Variants in APBA1 observed in about 807,000 individuals in gnomAD.
The protein encoded by APBA1 is amyloid beta precursor protein binding family A member 1.
APBA1 carries 55 observed loss-of-function variants against 86.6 expected under a neutral mutation model. The ratio of observed to expected loss-of-function variants is 0.64; its 90% CI spans 0.51 to 0.80. The LOEUF (loss-of-function observed/expected upper bound fraction) is 0.80. Among genes scored for constraint, APBA1 ranks in the 30% least tolerant of loss-of-function variants. The pLI is 0.00. For missense variants in APBA1, 1,090 were observed against 1,183.0 expected (o/e 0.92, Z 1.15); for synonymous variants, 511 against 493.9 (o/e 1.03, Z -0.46).
chr9:69,486,870 C>CT (rs140792702), intron 2 of APBA1, among the ~76,000 whole-genome samples: 14,970 of 108,880 alleles, frequency 0.14, 876 homozygotes, highest in East Asian at 0.32. Context: ...TTCTTCTTTT[C>CT]TTTTTTTTTT....
Position 69,428,836 on chromosome 9 carries a change from A to G in APBA1, c.*2491T>C, listed in dbSNP as rs147521034. On this transcript the variant is annotated 3_prime_UTR_variant, in exon 13 of 13. Transcript: ENST00000265381. ...GCTGGGTGGACCTGTACCGAGCTCCAGCAACTTCCACTCACTGGGTGTGAA... is the reference window on the plus strand; with the variant it reads ...GCTGGGTGGACCTGTACCGAGCTCCGGCAACTTCCACTCACTGGGTGTGAA... 1.3e-5 allele frequency: 2 copies of G among 152,334 alleles called. No homozygotes were observed. The highest frequency in any genetic ancestry group is 3.9e-4 in the East Asian group (2 of 5,184). The allele number at this position is 152,334 out of a possible 1,614,324, so 9.4% of individuals were successfully genotyped here.
At chr9:69,661,180 A>G (rs970454093) in intron 1 of APBA1, among the ~76,000 whole-genome samples, 5 of 152,226 alleles carry the variant, frequency 3.3e-5, no homozygotes, top group Admixed American at 6.5e-5. Context: ...CTACAAGGGC[A>G]GAGTGGAGGA....
chr9:69,543,408 G>C (rs1434711224), intron 1 of APBA1, among the ~76,000 whole-genome samples: 1 of 152,098 alleles, frequency 6.6e-6, no homozygotes, highest in East Asian at 1.9e-4. Context: ...TTATAGGTCT[G>C]AGGAAGTACT....
At position 69,610,206 on chromosome 9, in the gene APBA1, G is replaced by C. The variant is rs565252257; in HGVS notation, c.-70+61947C>G. On this transcript the variant is annotated intron_variant, in intron 1 of 12. Transcript: ENST00000265381. ...GTGGTGGTCCATGCCTATAGTCCTAGCTGCTTTTGAGGCTGAGGCTGGAGG... is the reference window on the plus strand; with the variant it reads ...GTGGTGGTCCATGCCTATAGTCCTACCTGCTTTTGAGGCTGAGGCTGGAGG... 2.0e-5 allele frequency among the ~76,000 whole-genome samples: 3 copies of C among 152,214 alleles called. No homozygotes were observed. The South Asian group carries it at 6.2e-4, about 32-fold the overall frequency.
rs535007066 is a variant in APBA1, at chr9:69,551,614, G to A, written c.-69-34335C>T. On this transcript the variant is annotated intron_variant, in intron 1 of 12. Coordinates refer to ENST00000265381, the MANE Select transcript of APBA1 (RefSeq NM_001163.4). ...TAAACATTAGCTTATGGAATTTCAG[G>A]ACCAATCTCTTTGTTTTCTGTATTT... Among the ~76,000 whole-genome samples, 266 of 152,060 alleles carry A rather than the reference G, an allele frequency of 1.7e-3. 2 individuals carry two copies. The highest frequency in any genetic ancestry group is 3.7e-3 in the South Asian group (18 of 4,816).
At chr9:69,559,301 T>C (rs1254205231) in intron 1 of APBA1, among the ~76,000 whole-genome samples, 3 of 152,192 alleles carry the variant, frequency 2.0e-5, no homozygotes, top group African/African-American at 7.2e-5. Flanking sequence ...ATTTAAAGGG[T>C]TTGGCTCAAT....
At chr9:69,560,532 AGGGGAT>A (rs1350242153) in intron 1 of APBA1, among the ~76,000 whole-genome samples, 1 of 152,216 alleles carries the variant, frequency 6.6e-6, no homozygotes, top group Non-Finnish European at 1.5e-5. Flanking sequence ...ATCTCCAAAA[AGGGGAT>A]GATCAAAATT....
intron 2 of APBA1, among the ~76,000 whole-genome samples, chr9:69,511,194 A>G (rs903159749): frequency 2.0e-5 from 3 of 152,248 alleles, no homozygotes; most frequent in Non-Finnish European, 4.4e-5. Context: ...GCTAATATCC[A>G]GAATCTACAA....
At chr9:69,574,503 C>A (rs1224306798) in intron 1 of APBA1, among the ~76,000 whole-genome samples, 1 of 152,084 alleles carries the variant, frequency 6.6e-6, no homozygotes, top group Non-Finnish European at 1.5e-5. Context: ...TAGCCTGCCC[C>A]ATAAAGCAAA....
chr9:69,548,104 A>C (rs1188159552), intron 1 of APBA1, among the ~76,000 whole-genome samples: 2 of 152,200 alleles, frequency 1.3e-5, no homozygotes, highest in African/African-American at 4.8e-5. Flanking sequence ...CCAAAGAAAG[A>C]GGAAAGATTC....
chr9:69,511,436 A>T (rs1209207957), intron 2 of APBA1, among the ~76,000 whole-genome samples: 7 of 152,282 alleles, frequency 4.6e-5, no homozygotes, highest in Non-Finnish European at 7.3e-5. Flanking sequence ...GGTGCTGGAG[A>T]GGATGTGGAG....
chr9:69,666,736 G>A (rs1293294957), intron 1 of APBA1, among the ~76,000 whole-genome samples: 2 of 152,260 alleles, frequency 1.3e-5, no homozygotes, highest in Non-Finnish European at 2.9e-5. Context: ...ATCATTTTGT[G>A]AAAAATGTGG....
chr9:69,456,920 C>T, intron 7 of APBA1, 133 bp downstream of exon 7: 1 of 735,906 alleles, frequency 1.4e-6, no homozygotes, highest in South Asian at 2.0e-5. Context: ...GTGAACACCA[C>T]CTTCTAGCTC....
intron 11 of APBA1, among the ~76,000 whole-genome samples, chr9:69,433,263 G>A (rs1834636727): frequency 6.6e-6 from 1 of 152,218 alleles, no homozygotes; most frequent in African/African-American, 2.4e-5. Flanking sequence ...GCACAGCCAG[G>A]TACCACAGTG....
rs967654604 is a variant in APBA1 at position 69,510,344 on chromosome 9, C to A, written c.1200+5667G>T. Among the ~76,000 whole-genome samples, 7 of 150,996 alleles carry A rather than the reference C, an allele frequency of 4.6e-5. No homozygotes were observed. In the East Asian group the frequency reaches 1.4e-3, roughly 30 times the overall value. ...CAATTGCTTCACAGAGAATAAAATA[C>A]CTAGGAATCCAACTTACAAGGGATG... On this transcript the variant is annotated intron_variant, in intron 2 of 12. Transcript: ENST00000265381.
chr9:69,566,078 G>A (rs1837022553), intron 1 of APBA1, among the ~76,000 whole-genome samples: 1 of 152,110 alleles, frequency 6.6e-6, no homozygotes, highest in Non-Finnish European at 1.5e-5. Context: ...GCCCTTGCCT[G>A]GCCAGCCTCC....
intron 1 of APBA1, among the ~76,000 whole-genome samples, chr9:69,576,089 CA>C (rs1363021218): frequency 6.6e-6 from 1 of 152,102 alleles, no homozygotes; most frequent in African/African-American, 2.4e-5. Context: ...TTTATGCAGC[CA>C]AAAGACACAT....
At chr9:69,663,384 A>G (rs1249435328) in intron 1 of APBA1, among the ~76,000 whole-genome samples, 1 of 152,240 alleles carries the variant, frequency 6.6e-6, no homozygotes, top group Admixed American at 6.5e-5. Flanking sequence ...CACTTTAGTA[A>G]AGTCCAGTAT....
At chr9:69,601,332 C>T (rs1016475375) in intron 1 of APBA1, among the ~76,000 whole-genome samples, 2 of 152,174 alleles carry the variant, frequency 1.3e-5, no homozygotes, top group South Asian at 4.1e-4. Flanking sequence ...AAACTAATTT[C>T]ATATCTATCA....
Sources: allele counts gnomAD v4.1 joint callset (sites outside exome capture counted in the v4.1 genomes callset), GRCh38; gene constraint gnomAD v4.1.1; transcripts MANE v1.5; gene names NCBI Gene and HGNC (gene_info 2026-07-23, HGNC 2026-07-21).